The following ABCF1 variants were observed in gnomAD, a reference collection of about 807,000 sequenced individuals.
The protein encoded by ABCF1 is ATP binding cassette subfamily F member 1.
In ABCF1, 73 loss-of-function variants were observed where a neutral mutation model predicts 126.3. The ratio of observed to expected loss-of-function variants is 0.58; its 90% confidence interval spans 0.48 to 0.70. The LOEUF (loss-of-function observed/expected upper bound fraction) is 0.70. Ranked by LOEUF, ABCF1 falls within the 30% of genes least tolerant of loss-of-function variation. ABCF1 has a pLI of 0.00. For synonymous variants in ABCF1, 345 were observed against 396.4 expected, an observed-to-expected ratio of 0.87 and a Z score of 1.54; for missense variants, 786 against 1,057.5, an observed-to-expected ratio of 0.74 and a Z score of 3.56.
chr6:30,577,428 G>T lies in ABCF1; in HGVS notation c.93G>T (p.Gly31=), dbSNP rs900915230. 2 of 1,613,882 alleles carry T rather than the reference G, an allele frequency of 1.2e-6. No homozygotes were observed. The highest frequency in any genetic ancestry group is 1.7e-6 in the Non-Finnish European group (2 of 1,179,960). ...TSPSDKVVKK[G]KKDKKIKKTF... is the part of the protein sequence containing the mutation. ...TTCTAGACAAAGTGGTGAAGAAAGG[G>T]AAGAAGGACAAGAAGATCAAAAAAA... Residue 31 remains glycine (G), a synonymous_variant, in exon 2 of 25, where the codon GGG becomes GGT. Transcript: ENST00000326195.
At chr6:30,589,491 T>C (rs1802325071) in intron 20 of ABCF1, 197 bp from the exon 21 acceptor site, 3 of 627,506 alleles carry the variant, frequency 4.8e-6, no homozygotes, top group Non-Finnish European at 5.5e-6. Context: ...TATTCCCAGC[T>C]ACTGGGGAGG....
In ABCF1 at chr6:30,584,659, A is replaced by G. The variant is rs1802017136; in HGVS notation, c.1391+93A>G. ...TCTCATTCTTCCAAGGCCAATAGGG[A>G]GGCTCAAGGCTTACCTCTCCCTCCT... is the stretch of plus-strand genomic sequence containing the variant. On this transcript the variant is annotated intron_variant, in intron 14 of 24. Transcript: ENST00000326195. This position sits in a 1 kb window ranked among gnomAD's most constrained non-coding sequence, Gnocchi z 4.6. 6.9e-7 allele frequency: 1 copy of G among 1,457,202 alleles called. No homozygotes were observed. Among genetic ancestry groups the G allele is most frequent in the Non-Finnish European group, 9.1e-7 (1 of 1,094,442 alleles). 90.3% of individuals were successfully genotyped at this position (1,457,202 alleles called of 1,614,324 possible). A position where few individuals can be genotyped will look rare whatever the true frequency, so the allele number is the denominator to read the frequency against.
intron 1 of ABCF1, among the ~76,000 whole-genome samples, chr6:30,575,027 G>A (rs1405654771): frequency 6.6e-6 from 1 of 150,954 alleles, no homozygotes; most frequent in Non-Finnish European, 1.5e-5. Flanking sequence ...TCTAGTCTGA[G>A]AATATTTTAA....
Position 30,583,747 on chromosome 6 carries a change from G to C in ABCF1, c.1016+39G>C. 1 of 1,613,858 alleles carries C rather than the reference G, an allele frequency of 6.2e-7. No homozygotes were observed. Among genetic ancestry groups the C allele is most frequent in the East Asian group, 2.2e-5 (1 of 44,880 alleles). ...GGAGCTGGAGGCAAAAAAGGGCCTG[G>C]AGGGAAAAGAAGAGATTTCTCAGTG... is the stretch of plus-strand genomic sequence containing the variant. On this transcript the variant is annotated intron_variant, in intron 11 of 24. Coordinates refer to ENST00000326195, the MANE Select transcript of ABCF1 (RefSeq NM_001025091.2). The surrounding 1 kb of genome is among the most constrained non-coding windows in gnomAD (Gnocchi z 4.1).
At chr6:30,579,814 A>T in intron 6 of ABCF1, 117 bp from the exon 7 acceptor site, 1 of 954,040 alleles carries the variant, frequency 1.0e-6, no homozygotes, top group Non-Finnish European at 1.5e-6. Flanking sequence ...AACCTGTCGT[A>T]AATGGAGGAG....
At position 30,578,567 on chromosome 6, in the gene ABCF1, G is replaced by C; in HGVS notation, c.479G>C (p.Arg160Pro). 1 of 1,613,512 alleles carries C rather than the reference G, an allele frequency of 6.2e-7. No homozygotes were observed. The highest frequency in any genetic ancestry group is 1.1e-5 in the South Asian group (1 of 91,018). The change falls in exon 6 of 25, where the codon CGG (arginine) becomes CCG (proline). Residue 160 changes from arginine (R) to proline (P), a missense_variant. Arg to Pro is a moderately radical substitution (Grantham distance 103). This residue lies in a region of ABCF1 where 322 missense variants were observed against 322.9 expected (regional missense o/e 1.00). Coordinates refer to ENST00000326195, the MANE Select transcript of ABCF1 (RefSeq NM_001025091.2). ...AAGCCTGCCAAGCCGGAGAAGAATC[G>C]GATCAATAAGGTGACAGTGGTGGCT... ...PPKPAKPEKNRINKAVSEEQQ... is the reference protein window; with the variant it reads ...PPKPAKPEKNPINKAVSEEQQ...
At chr6:30,587,289 G>A (rs1483317986) in intron 20 of ABCF1, among the ~76,000 whole-genome samples, 2 of 149,424 alleles carry the variant, frequency 1.3e-5, no homozygotes, top group South Asian at 2.1e-4. Flanking sequence ...GGTGGCCCAC[G>A]CCTATAATCC....
Position 30,583,129 on chromosome 6 carries a change from G to A in ABCF1, c.856G>A (p.Val286Met), listed in dbSNP as rs1422039008. The A allele has an allele frequency of 3.7e-6, 6 of 1,611,488 alleles. No homozygotes were observed. Among genetic ancestry groups the A allele is most frequent in the South Asian group, 1.1e-5 (1 of 91,060 alleles). Residue 286 changes from valine to methionine, a missense_variant, in exon 10 of 25, where the codon GTG (valine) becomes ATG (methionine). Val to Met is a conservative substitution (Grantham distance 21, BLOSUM62 1). This residue lies in a region of ABCF1 where 163 missense variants were observed against 255.3 expected (regional missense o/e 0.64). Coordinates refer to ENST00000326195, the MANE Select transcript of ABCF1 (RefSeq NM_001025091.2). This position sits in a 1 kb window ranked among gnomAD's most constrained non-coding sequence, Gnocchi z 4.1. ...AANAAENDFS[V>M]SQAEMSSRQA... The stretch of plus-strand genomic sequence containing the variant: ...CAATGCAGCTGAAAATGACTTCTCC[G>A]TGTCCCAGGCGGAGATGTCCTCCCG...
intron 20 of ABCF1, among the ~76,000 whole-genome samples, chr6:30,588,547 G>C (rs1802274705): frequency 6.6e-6 from 1 of 152,044 alleles, no homozygotes; most frequent in Non-Finnish European, 1.5e-5. Context: ...ATTTTTAGTA[G>C]AGATGGTTTC....
chr6:30,571,538 C>T lies in ABCF1; in HGVS notation c.51C>T (p.Asp17=), dbSNP rs566087434. The T allele has an allele frequency of 1.5e-5, 24 of 1,610,402 alleles. No homozygotes were observed. Among genetic ancestry groups the T allele is most frequent in the Non-Finnish European group, 1.6e-5 (19 of 1,179,526 alleles). ...QQPPEPEWIG[D]GESTSPSDKV... ...CGCCGGAGCCCGAGTGGATCGGGGA[C>T]GGAGAGAGCACGAGCCCATCAGGTG... Residue 17 remains aspartate (D), a synonymous_variant, in exon 1 of 25, where the codon GAC becomes GAT. Transcript: ENST00000326195.
intron 1 of ABCF1, among the ~76,000 whole-genome samples, chr6:30,575,954 G>C (rs914280857): frequency 6.6e-6 from 1 of 151,678 alleles, no homozygotes; most frequent in African/African-American, 2.4e-5. Flanking sequence ...CTTGCCTGTA[G>C]TCCTAGCTAC....
Position 30,578,092 on chromosome 6 carries a change from A to G in ABCF1, c.233A>G (p.Asp78Gly), listed in dbSNP as rs978725879. The G allele has an allele frequency of 6.2e-7, 1 of 1,614,002 alleles. No individual in the cohort carries two copies. The highest frequency in any genetic ancestry group is 8.5e-7 in the Non-Finnish European group (1 of 1,179,988). Residue 78 changes from aspartate (D) to glycine (G), a missense_variant, in exon 4 of 25, where the codon GAT becomes GGT. Coordinates refer to ENST00000326195, the MANE Select transcript of ABCF1 (RefSeq NM_001025091.2). ...TCTCAGCAGCAAAAAAAAAAGCGAG[A>G]TACCCGAAAAGGCAGGCGGAAGAAG... ...QQQQQQKKKR[D>G]TRKGRRKKDV...
In ABCF1 at chr6:30,583,255, G is replaced by A. The variant is rs1448276766; in HGVS notation, c.915+67G>A. 2.6e-6 allele frequency: 4 copies of A among 1,550,900 alleles called. No individual in the cohort carries two copies. The highest frequency in any genetic ancestry group is 3.5e-6 in the Non-Finnish European group (4 of 1,141,340). ...AAGAGCCAGTTCTCTCATCTTCCCT[G>A]AGTGGCTGTGGTGTGTGAATGGGTT... On this transcript the variant is annotated intron_variant, in intron 10 of 24. Transcript: ENST00000326195. This position sits in a 1 kb window ranked among gnomAD's most constrained non-coding sequence, Gnocchi z 4.1.
intron 1 of ABCF1, 113 bp downstream of exon 1, chr6:30,571,673 C>G: frequency 8.5e-7 from 1 of 1,183,364 alleles, no homozygotes; most frequent in Non-Finnish European, 1.2e-6. Flanking sequence ...GCGGGAGTTA[C>G]TGCGCATGCG....
At position 30,575,504 on chromosome 6, in the gene ABCF1, A is replaced by G. The variant is rs144402133; in HGVS notation, c.74-1905A>G. ...GGGAAATCATGAGGCTGCCTCCAGT[A>G]GGGGAGGGAGTTGGACATGGTCCTC... On this transcript the variant is annotated intron_variant, in intron 1 of 24. Transcript: ENST00000326195. Among the ~76,000 whole-genome samples the G allele has an allele frequency of 3.5e-3, 530 of 152,138 alleles. 1 individual carries two copies. Among genetic ancestry groups the G allele is most frequent in the African/African-American group, 0.012 (511 of 41,520 alleles).
At chr6:30,582,249 G>T in intron 8 of ABCF1, 145 bp from the exon 9 acceptor site, 1 of 582,282 alleles carries the variant, frequency 1.7e-6, no homozygotes, top group Non-Finnish European at 3.1e-6. Flanking sequence ...GTAGAGATGG[G>T]GTTTCACCAT....
chr6:30,584,430 T>C lies in ABCF1; in HGVS notation c.1255T>C (p.Leu419=). 1 of 1,613,066 alleles carries C rather than the reference T, an allele frequency of 6.2e-7. No homozygotes were observed. Among genetic ancestry groups the C allele is most frequent in the Non-Finnish European group, 8.5e-7 (1 of 1,180,014 alleles). The change falls in exon 14 of 25, where the codon TTG becomes CTG. Residue 419 remains leucine (L), a synonymous_variant. Coordinates refer to ENST00000326195, the MANE Select transcript of ABCF1 (RefSeq NM_001025091.2). The surrounding 1 kb of genome is among the most constrained non-coding windows in gnomAD (Gnocchi z 4.6). ...TCCCTCCTCCCAGGTGTATGAGGAATTGCGGGCCACTGGGGCGGCAGCTGC... is the reference window on the plus strand; with the variant it reads ...TCCCTCCTCCCAGGTGTATGAGGAACTGCGGGCCACTGGGGCGGCAGCTGC... ...AERLEKVYEE[L]RATGAAAAEA... is the part of the protein sequence containing the mutation.
Position 30,580,428 on chromosome 6 carries a change from T to G in ABCF1, c.587T>G (p.Leu196Arg). 6.5e-7 allele frequency: 1 copy of G among 1,540,266 alleles called. No individual in the cohort carries two copies. Among genetic ancestry groups the G allele is most frequent in the Non-Finnish European group, 8.6e-7 (1 of 1,156,330 alleles). ...KAKPQNKFAALDNEEEDKEEE... is the reference protein window; with the variant it reads ...KAKPQNKFAARDNEEEDKEEE... ...TAGCCTCAAAATAAATTCGCTGCTCTGGACAATGAAGAGGAGGATAAAGAA... is the reference window on the plus strand; with the variant it reads ...TAGCCTCAAAATAAATTCGCTGCTCGGGACAATGAAGAGGAGGATAAAGAA... Residue 196 changes from leucine (L) to arginine (R), a missense_variant, in exon 8 of 25, where the codon CTG becomes CGG. Leu to Arg is a moderately radical substitution (Grantham distance 102). This residue lies in a region of ABCF1 where 322 missense variants were observed against 322.9 expected (regional missense o/e 1.00). Transcript: ENST00000326195.
chr6:30,582,388 T>C lies in ABCF1; in HGVS notation c.679-6T>C, dbSNP rs763721638. ...CCTAGTTTTGACCATCCCCGGGTTC[T>C]CACAGGGTTCAGAGGAAGAAGGAGA... On this transcript the variant is annotated splice_polypyrimidine_tract_variant and splice_region_variant and intron_variant, in intron 8 of 24. Transcript: ENST00000326195. 2.5e-6 allele frequency: 4 copies of C among 1,584,064 alleles called. No individual in the cohort carries two copies. Among genetic ancestry groups the C allele is most frequent in the Non-Finnish European group, 3.5e-6 (4 of 1,156,446 alleles).
Sources: gnomAD v4.1 joint callset for allele counts (sites outside exome capture counted in the v4.1 genomes callset) on GRCh38, gnomAD v4.1.1 for gene constraint, gnomAD v4.1.1 regional missense constraint, Gnocchi (gnomAD v3.1) non-coding constraint, MANE v1.5 for transcripts, NCBI Gene and HGNC (gene_info 2026-07-23, HGNC 2026-07-21) for gene names.